The following IL16 variants were observed in gnomAD, a reference collection of about 807,000 sequenced individuals.
The protein encoded by IL16 is interleukin 16, also known as pro-interleukin-16.
Under a neutral mutation model 110.1 loss-of-function variants are expected in IL16, and 67 were observed. The observed-to-expected ratio is 0.61, with a 90% CI of 0.50 to 0.75. The LOEUF (loss-of-function observed/expected upper bound fraction) is 0.75, where lower values mean the gene tolerates loss of function less well. Among genes scored for constraint, IL16 ranks in the 30% least tolerant of loss-of-function variants. The pLI is 0.00. For missense variants in IL16, 1,545 were observed against 1,655.0 expected (o/e 0.93, Z 1.15); for synonymous variants, 689 against 662.9 (o/e 1.04, Z -0.61).
chr15:81,231,545 G>A (rs1007613243), intron 2 of IL16, among the ~76,000 whole-genome samples: 2 of 152,078 alleles, frequency 1.3e-5, no homozygotes, highest in Non-Finnish European at 2.9e-5. Context: ...GCTAATTTTT[G>A]TATTTTTTGT....
chr15:81,221,222 G>A (rs761577903), intron 1 of IL16, among the ~76,000 whole-genome samples: 1 of 152,072 alleles, frequency 6.6e-6, no homozygotes, highest in African/African-American at 2.4e-5. Flanking sequence ...TTTCTGCTTG[G>A]AAGTAAAACA....
At chr15:81,191,577 A>T (rs1249126015) in intron 1 of IL16, among the ~76,000 whole-genome samples, 2 of 152,186 alleles carry the variant, frequency 1.3e-5, no homozygotes, top group South Asian at 2.1e-4. Flanking sequence ...GATGGGTGGT[A>T]TGTAAGTACC....
chr15:81,243,164 T>TATATATATATATATATA (rs60077602), intron 2 of IL16, among the ~76,000 whole-genome samples: 22 of 15,738 alleles, frequency 1.4e-3, no homozygotes, highest in Admixed American at 2.0e-3. Flanking sequence ...TATATATATA[T>TATATATATATATATATA]TTTTTTTTTT....
chr15:81,213,008 A>T (rs969013775), intron 1 of IL16, among the ~76,000 whole-genome samples: 10 of 152,044 alleles, frequency 6.6e-5, no homozygotes, highest in Non-Finnish European at 1.0e-4. Context: ...TAATTTCTCG[A>T]TGAAGGTGTT....
At chr15:81,294,768 G>A (rs907415394) in intron 12 of IL16, among the ~76,000 whole-genome samples, 12 of 151,578 alleles carry the variant, frequency 7.9e-5, no homozygotes, top group Admixed American at 2.6e-4. Flanking sequence ...CTGGAGAGGC[G>A]GGGGTCACAG....
At chr15:81,276,352 TTAAATC>T (rs1434467298) in intron 6 of IL16, among the ~76,000 whole-genome samples, 1 of 152,138 alleles carries the variant, frequency 6.6e-6, no homozygotes, top group Non-Finnish European at 1.5e-5. Flanking sequence ...AGAAACAACT[TTAAATC>T]TAAGAATGGC....
At chr15:81,308,150 T>C (rs2141650820) in intron 18 of IL16, among the ~76,000 whole-genome samples, 1 of 152,324 alleles carries the variant, frequency 6.6e-6, no homozygotes, top group East Asian at 1.9e-4. Flanking sequence ...AAGATCCCTG[T>C]AAATATTGTT....
In IL16 at chr15:81,278,799, CTT is replaced by C; in HGVS notation, c.791-16_791-15del. The C allele has an allele frequency of 6.4e-7, 1 of 1,565,682 alleles. No individual in the cohort carries two copies. The highest frequency in any genetic ancestry group is 8.8e-7 in the Non-Finnish European group (1 of 1,136,056). The stretch of plus-strand genomic sequence containing the variant: ...TTGGGCAACACTCTTCTTAGCTACA[CTT>C]TCTCTCTCTAAACAGGTGATGAAAT... On this transcript the variant is annotated splice_polypyrimidine_tract_variant and intron_variant, in intron 6 of 18. Coordinates refer to ENST00000683961, the MANE Select transcript of IL16 (RefSeq NM_172217.5).
chr15:81,297,714 G>C (rs1900057944), intron 13 of IL16, among the ~76,000 whole-genome samples: 1 of 152,166 alleles, frequency 6.6e-6, no homozygotes, highest in Non-Finnish European at 1.5e-5. Context: ...AGAGCACGTA[G>C]ACCCCAAGCA....
intron 18 of IL16, among the ~76,000 whole-genome samples, chr15:81,307,523 T>G (rs1459396186): frequency 6.6e-6 from 1 of 152,202 alleles, no homozygotes; most frequent in Non-Finnish European, 1.5e-5. Flanking sequence ...CCAGAATCCA[T>G]GTTAACCCCA....
intron 1 of IL16, among the ~76,000 whole-genome samples, chr15:81,203,195 G>A (rs1451474623): frequency 1.3e-5 from 2 of 150,642 alleles, no homozygotes; most frequent in East Asian, 3.9e-4. Context: ...AAATTTGTTT[G>A]AGTTCATTGT....
chr15:81,282,662 G>A lies in IL16; in HGVS notation c.1105G>A (p.Gly369Ser), dbSNP rs774501000. Residue 369 changes from glycine (G) to serine (S), a missense_variant, in exon 9 of 19, where the codon GGC (glycine) becomes AGC (serine). This residue lies in a region of IL16 where 1,185 missense variants were observed against 1,238.8 expected (regional missense o/e 0.96). Transcript: ENST00000683961. ...QKEAGVGLGI[G>S]LCSVPYFQCI... Reference sequence around the variant, plus strand: ...AGAGGCCGGCGTGGGCCTGGGCATCGGCCTGTGCAGCGTTCCCTACTTCCA... The same window carrying A: ...AGAGGCCGGCGTGGGCCTGGGCATCAGCCTGTGCAGCGTTCCCTACTTCCA... 3.2e-5 allele frequency: 51 copies of A among 1,613,416 alleles called. 1 individual carries two copies. Among genetic ancestry groups the A allele is most frequent in the Non-Finnish European group, 3.9e-5 (46 of 1,179,998 alleles).
rs867609547 is a variant in IL16 at position 81,212,394 on chromosome 15, A to G, written c.-101-12905A>G. ...CATCTTATGTGTGTTTATGTGATCT[A>G]TGTACTATGATATAAAATGTAAATT... On this transcript the variant is annotated intron_variant, in intron 1 of 18. Transcript: ENST00000683961. Among the ~76,000 whole-genome samples the G allele has an allele frequency of 4.6e-5, 7 of 152,158 alleles. No homozygotes were observed. The Middle Eastern group carries it at 0.024, about 521-fold the overall frequency.
chr15:81,208,704 G>A (rs1028278869), intron 1 of IL16, among the ~76,000 whole-genome samples: 1 of 152,182 alleles, frequency 6.6e-6, no homozygotes, highest in Non-Finnish European at 1.5e-5. Context: ...TGGGAGGAAG[G>A]TAGTAGAATA....
At chr15:81,242,799 G>A (rs1261617556) in intron 2 of IL16, among the ~76,000 whole-genome samples, 1 of 151,894 alleles carries the variant, frequency 6.6e-6, no homozygotes, top group Non-Finnish European at 1.5e-5. Flanking sequence ...CCCCAGTCTT[G>A]GTGAAAACGT....
At chr15:81,274,650 G>A (rs1348908272) in intron 6 of IL16, among the ~76,000 whole-genome samples, 1 of 152,206 alleles carries the variant, frequency 6.6e-6, no homozygotes, top group African/African-American at 2.4e-5. Context: ...CAGAGAAAGT[G>A]CTCCCTGTTT....
At chr15:81,209,297 G>T (rs542205731) in intron 1 of IL16, among the ~76,000 whole-genome samples, 119 of 152,290 alleles carry the variant, frequency 7.8e-4, no homozygotes, top group African/African-American at 2.8e-3. Flanking sequence ...GCGTCCTGGG[G>T]GAGGTGGCTG....
In IL16 at chr15:81,306,034, C is replaced by T. The variant is rs770059879; in HGVS notation, c.3547C>T (p.Arg1183Cys). The change falls in exon 17 of 19, where the codon CGC (arginine) becomes TGC (cysteine). Residue 1183 changes from arginine to cysteine, a missense_variant. Arg to Cys is a radical substitution (Grantham distance 180). Around this residue, in one of 3 missense-constraint regions of IL16, gnomAD observed 356 missense variants for 399.3 expected, o/e 0.89. Transcript: ENST00000683961. ...GCACCATGATGCCTTGGCCATCCTCCGCCAAGCTCGAGAGCCCAGGCAAGC... is the reference window on the plus strand; with the variant it reads ...GCACCATGATGCCTTGGCCATCCTCTGCCAAGCTCGAGAGCCCAGGCAAGC... ...TTHHDALAIL[R>C]QAREPRQAVI... 5.9e-5 allele frequency: 96 copies of T among 1,614,118 alleles called. No individual in the cohort carries two copies. Among genetic ancestry groups the T allele is most frequent in the Non-Finnish European group, 7.5e-5 (88 of 1,180,056 alleles).
In IL16 at chr15:81,185,423, A is replaced by ATG. The variant is rs973412735; in HGVS notation, c.40+2528_40+2529dup. ...CAGGCTAGAGTGCAGTGGCATGATCATGGCTCACTATGGCCTCAACCTCCT... is the reference window on the plus strand; with the variant it reads ...CAGGCTAGAGTGCAGTGGCATGATCATGTGGCTCACTATGGCCTCAACCTCCT... On this transcript the variant is annotated intron_variant, in intron 1 of 18. Coordinates refer to the IL16 transcript ENST00000302987. Among the ~76,000 whole-genome samples, 160 of 147,390 alleles carry ATG rather than the reference A, an allele frequency of 1.1e-3. 2 individuals carry two copies. Among genetic ancestry groups the ATG allele is most frequent in the African/African-American group, 3.9e-3 (155 of 39,334 alleles).
Sources: allele counts gnomAD v4.1 joint callset (sites outside exome capture counted in the v4.1 genomes callset), GRCh38; gene constraint gnomAD v4.1.1; regional missense constraint gnomAD v4.1.1; transcripts MANE v1.5; gene names NCBI Gene and HGNC (gene_info 2026-07-23, HGNC 2026-07-21).